The following TENM4 variants were observed in gnomAD, a reference collection of about 807,000 sequenced individuals.
The protein encoded by TENM4 is teneurin-4.
TENM4 carries 82 observed loss-of-function variants against 243.3 expected under a neutral mutation model. The observed-to-expected ratio is 0.34, with a 90% CI of 0.28 to 0.40. TENM4 has a LOEUF of 0.40. Among genes scored for constraint, TENM4 ranks in the 10% least tolerant of loss-of-function variants. The probability of loss-of-function intolerance (pLI) is 1.00; values close to 1 mark genes in which losing one functional copy is unlikely to be tolerated. For synonymous variants in TENM4, 1,412 were observed against 1,456.3 expected, an observed-to-expected ratio of 0.97 and a Z score of 0.69; for missense variants, 3,138 against 3,673.3, an observed-to-expected ratio of 0.85 and a Z score of 3.77.
chr11:79,305,583 C>T (rs76838973), intron 1 of TENM4, among the ~76,000 whole-genome samples: 4,013 of 152,258 alleles, frequency 0.026, 162 homozygotes, highest in African/African-American at 0.09. Flanking sequence ...AACGTAGATA[C>T]ATCCTGAGAA....
Position 78,738,580 on chromosome 11 carries a change from G to C in TENM4, c.2757-10C>G, listed in dbSNP as rs1855852015. The C allele has an allele frequency of 6.2e-7, 1 of 1,612,628 alleles. No individual in the cohort carries two copies. The highest frequency in any genetic ancestry group is 8.5e-7 in the Non-Finnish European group (1 of 1,179,350). On this transcript the variant is annotated splice_polypyrimidine_tract_variant and intron_variant, in intron 19 of 33. Coordinates refer to ENST00000278550, the MANE Select transcript of TENM4 (RefSeq NM_001098816.3). ...AATAACACAAGCATGCCTGTGGGAA[G>C]AGAAGAGAGAATAAACATGATACAC...
chr11:79,362,368 G>C (rs1857604878), intron 1 of TENM4, among the ~76,000 whole-genome samples: 1 of 152,180 alleles, frequency 6.6e-6, no homozygotes, highest in South Asian at 2.1e-4. Flanking sequence ...CCATCTAATA[G>C]GTACTGTATA....
intron 6 of TENM4, among the ~76,000 whole-genome samples, chr11:78,960,166 T>C (rs1409757795): frequency 6.6e-6 from 1 of 152,094 alleles, no homozygotes; most frequent in Non-Finnish European, 1.5e-5. Context: ...CCAGGGTTCC[T>C]GTGTTTCTGT....
chr11:79,188,714 C>T (rs553868939), intron 3 of TENM4, among the ~76,000 whole-genome samples: 62 of 148,618 alleles, frequency 4.2e-4, no homozygotes, highest in Middle Eastern at 6.8e-3. Flanking sequence ...AAGGGGGAGA[C>T]GAGGAGCAGT....
chr11:79,007,094 C>T (rs1213067616), intron 6 of TENM4, among the ~76,000 whole-genome samples: 3 of 152,174 alleles, frequency 2.0e-5, no homozygotes, highest in African/African-American at 4.8e-5. Context: ...GCTTGCCAGC[C>T]TACCCTGCAG....
intron 3 of TENM4, among the ~76,000 whole-genome samples, chr11:79,184,792 G>C (rs1863352743): frequency 6.6e-6 from 1 of 152,110 alleles, no homozygotes; most frequent in Non-Finnish European, 1.5e-5. Context: ...TCTGGAGATG[G>C]ACGGTTGTAC....
chr11:79,215,684 T>C, intron 3 of TENM4, 124 bp downstream of exon 3: 1 of 856,912 alleles, frequency 1.2e-6, no homozygotes, highest in Non-Finnish European at 1.4e-6. Context: ...CTTTCTATGC[T>C]GCCAAGTCGT....
At chr11:79,040,034 A>T (rs76579360) in intron 6 of TENM4, among the ~76,000 whole-genome samples, 1 of 18,314 alleles carries the variant, frequency 5.5e-5, no homozygotes, top group Non-Finnish European at 5.8e-4. Flanking sequence ...CAAAATGATT[A>T]AAAAAAAAAA....
chr11:79,069,755 C>T lies in TENM4; in HGVS notation c.190G>A (p.Val64Met). 3.2e-6 allele frequency: 5 copies of T among 1,551,208 alleles called. No individual in the cohort carries two copies. In the Admixed American group the frequency reaches 9.8e-5, roughly 30 times the overall value. ...CAGAATTCCTCGGCCTCCTGCGGCA[C>T]AATGTCCTTGACGCGGCTGCCATAG... ...LAYGSRVKDIVPQEAEEFCRT... is the reference protein window; with the variant it reads ...LAYGSRVKDIMPQEAEEFCRT... The change falls in exon 5 of 34, where the codon GTG becomes ATG. Residue 64 changes from valine (V) to methionine (M), a missense_variant. Physicochemically the swap from Val to Met is conservative, Grantham distance 21. This residue lies in a region of TENM4 where 671 missense variants were observed against 614.1 expected (regional missense o/e 1.09). Transcript: ENST00000278550.
At chr11:79,382,581 G>T (rs1185791274) in intron 1 of TENM4, among the ~76,000 whole-genome samples, 1 of 152,048 alleles carries the variant, frequency 6.6e-6, no homozygotes, top group Non-Finnish European at 1.5e-5. Flanking sequence ...CCTCCTATGT[G>T]GCAGAATCCA....
chr11:78,896,937 A>G (rs1384414548), intron 7 of TENM4, among the ~76,000 whole-genome samples: 1 of 152,170 alleles, frequency 6.6e-6, no homozygotes, highest in Non-Finnish European at 1.5e-5. Flanking sequence ...CCTGACTGCT[A>G]TCCTTTGCAA....
chr11:79,264,773 G>A (rs554493321), intron 2 of TENM4, among the ~76,000 whole-genome samples: 3 of 152,302 alleles, frequency 2.0e-5, no homozygotes, highest in South Asian at 4.1e-4. Flanking sequence ...AATCTCCGAC[G>A]GTGGGGTCCC....
chr11:79,272,132 A>C (rs505302), intron 2 of TENM4, among the ~76,000 whole-genome samples: 110,868 of 151,922 alleles, frequency 0.73, 41,025 homozygotes, highest in African/African-American at 0.85. Context: ...CACCTCCCAC[A>C]TCCCACCTCC....
chr11:78,952,587 T>C (rs1591158127), intron 6 of TENM4, among the ~76,000 whole-genome samples: 2 of 152,278 alleles, frequency 1.3e-5, no homozygotes, highest in African/African-American at 4.8e-5. Context: ...AACTAGCAAA[T>C]AGACAGGGAT....
chr11:78,989,320 G>A (rs1488699989), intron 6 of TENM4, among the ~76,000 whole-genome samples: 1 of 152,154 alleles, frequency 6.6e-6, no homozygotes, highest in Non-Finnish European at 1.5e-5. Context: ...AATATTTTTG[G>A]TCCAGTCCTT....
At chr11:79,352,612 C>T (rs1250324824) in intron 1 of TENM4, among the ~76,000 whole-genome samples, 2 of 152,154 alleles carry the variant, frequency 1.3e-5, no homozygotes, top group Non-Finnish European at 2.9e-5. Flanking sequence ...TGGGACATTC[C>T]CAACAGACAG....
intron 4 of TENM4, among the ~76,000 whole-genome samples, chr11:79,128,923 T>C (rs1186898952): frequency 1.3e-5 from 2 of 152,208 alleles, no homozygotes; most frequent in Non-Finnish European, 2.9e-5. Context: ...AGGCTTGCAC[T>C]GTGAACTTTA....
chr11:78,966,759 A>G (rs1235833497), intron 6 of TENM4, among the ~76,000 whole-genome samples: 2 of 152,160 alleles, frequency 1.3e-5, no homozygotes, highest in African/African-American at 2.4e-5. Context: ...GTCTTCAGCA[A>G]TCTGTCTCCC....
chr11:78,821,137 G>A (rs897923583), intron 12 of TENM4, among the ~76,000 whole-genome samples: 1 of 152,248 alleles, frequency 6.6e-6, no homozygotes, highest in African/African-American at 2.4e-5. Context: ...GTCATATCCA[G>A]AAGTCCACCA....
Sources: allele counts gnomAD v4.1 joint callset (sites outside exome capture counted in the v4.1 genomes callset), GRCh38; gene constraint gnomAD v4.1.1; regional missense constraint gnomAD v4.1.1; transcripts MANE v1.5; gene names NCBI Gene and HGNC (gene_info 2026-07-23, HGNC 2026-07-21).